ADAM12: variants seen among roughly 807,000 people sequenced by gnomAD.
The protein encoded by ADAM12 is disintegrin and metalloproteinase domain-containing protein 12.
A neutral mutation model predicts 106.4 loss-of-function variants in ADAM12; 70 were observed. The observed-to-expected ratio is 0.66, with a 90% CI of 0.54 to 0.80. The LOEUF (loss-of-function observed/expected upper bound fraction) is 0.80, where lower values mean the gene tolerates loss of function less well. Among genes scored for constraint, ADAM12 ranks in the 30% least tolerant of loss-of-function variants. The probability of loss-of-function intolerance (pLI) is 0.00; values close to 1 mark genes in which losing one functional copy is unlikely to be tolerated. For synonymous variants in ADAM12, 420 were observed against 433.5 expected (o/e 0.97, Z 0.39); for missense variants, 1,010 against 1,171.9 (o/e 0.86, Z 2.02).
intron 5 of ADAM12, among the ~76,000 whole-genome samples, chr10:126,121,585 C>A (rs1453059621): frequency 6.8e-6 from 1 of 147,242 alleles, no homozygotes; most frequent in Non-Finnish European, 1.5e-5. Context: ...ATTTATATTG[C>A]AGCAACCCAA....
At chr10:126,051,583 A>AGCCACCTG (rs1590340431) in intron 14 of ADAM12, among the ~76,000 whole-genome samples, 2 of 138,840 alleles carry the variant, frequency 1.4e-5, no homozygotes, top group African/African-American at 5.7e-5. Context: ...CCATCCATCC[A>AGCCACCTG]TCCATCCAGC....
At chr10:126,216,781 G>A (rs1281882552) in intron 3 of ADAM12, among the ~76,000 whole-genome samples, 1 of 152,248 alleles carries the variant, frequency 6.6e-6, no homozygotes, top group East Asian at 1.9e-4. Context: ...CAGGCCACCA[G>A]GGTGACCCCG....
intron 2 of ADAM12, among the ~76,000 whole-genome samples, chr10:126,295,763 T>A (rs920944889): frequency 3.9e-5 from 6 of 152,200 alleles, no homozygotes; most frequent in African/African-American, 1.4e-4. Context: ...GGTGGCCTAT[T>A]GCTTGCTGTT....
chr10:126,157,556 C>T (rs1312997171), intron 3 of ADAM12, among the ~76,000 whole-genome samples: 1 of 152,150 alleles, frequency 6.6e-6, no homozygotes, highest in African/African-American at 2.4e-5. Flanking sequence ...TCAGTTAGAC[C>T]CCGATGGCAG....
intron 21 of ADAM12, among the ~76,000 whole-genome samples, chr10:126,025,018 G>C (rs1336764102): frequency 6.6e-6 from 1 of 151,964 alleles, no homozygotes; most frequent in Non-Finnish European, 1.5e-5. Flanking sequence ...CTGTTAAACA[G>C]AAAACAACAA....
At chr10:126,221,074 T>C (rs1354999894) in intron 3 of ADAM12, among the ~76,000 whole-genome samples, 1 of 152,148 alleles carries the variant, frequency 6.6e-6, no homozygotes, top group Non-Finnish European at 1.5e-5. Context: ...ACACAGGAAA[T>C]GTATGAGGTA....
At chr10:126,299,899 C>T (rs531777080) in intron 2 of ADAM12, among the ~76,000 whole-genome samples, 1 of 152,314 alleles carries the variant, frequency 6.6e-6, no homozygotes, top group South Asian at 2.1e-4. Flanking sequence ...CTGTCTCAGC[C>T]TCCCAAAGTG....
intron 11 of ADAM12, among the ~76,000 whole-genome samples, chr10:126,072,231 C>A (rs1955011534): frequency 6.6e-6 from 1 of 152,086 alleles, no homozygotes; most frequent in Non-Finnish European, 1.5e-5. Context: ...GCAGGTCTTA[C>A]CCTTGTCTCT....
chr10:126,299,835 G>A (rs1228174917), intron 2 of ADAM12, among the ~76,000 whole-genome samples: 1 of 151,996 alleles, frequency 6.6e-6, no homozygotes, highest in Non-Finnish European at 1.5e-5. Context: ...GTAGAGACGG[G>A]GTTTCGCCAT....
intron 3 of ADAM12, among the ~76,000 whole-genome samples, chr10:126,244,115 C>T (rs796883331): frequency 9.2e-5 from 14 of 152,262 alleles, no homozygotes; most frequent in African/African-American, 3.4e-4. Context: ...GTTTGATGGT[C>T]TTGAATACTT....
At chr10:126,149,564 C>T (rs7094869) in intron 4 of ADAM12, among the ~76,000 whole-genome samples, 30,119 of 152,072 alleles carry the variant, frequency 0.2, 3,409 homozygotes, top group Non-Finnish European at 0.26. Flanking sequence ...AGAGGCCCAC[C>T]CGTCCTCAAT....
Position 126,158,075 on chromosome 10 carries a change from A to G in ADAM12, c.261-2770T>C, listed in dbSNP as rs562990212. ...ACAGCACAGTTCCAAAGGGAAGCAGAGAGGCGGGATGTGAAAACCAGAGAC... is the reference window on the plus strand; with the variant it reads ...ACAGCACAGTTCCAAAGGGAAGCAGGGAGGCGGGATGTGAAAACCAGAGAC... On this transcript the variant is annotated intron_variant, in intron 3 of 22. Coordinates refer to ENST00000448723, the MANE Select transcript of ADAM12 (RefSeq NM_001288973.2). Among the ~76,000 whole-genome samples the G allele has an allele frequency of 1.1e-4, 16 of 152,352 alleles. No homozygotes were observed. The South Asian group carries it at 2.9e-3, about 28-fold the overall frequency.
intron 2 of ADAM12, among the ~76,000 whole-genome samples, chr10:126,311,909 G>A (rs11244950): frequency 0.19 from 28,284 of 151,856 alleles, 2,703 homozygotes; most frequent in Middle Eastern, 0.26. Flanking sequence ...GCAAATTATT[G>A]AGCCTGACAA....
intron 3 of ADAM12, among the ~76,000 whole-genome samples, chr10:126,158,672 G>C (rs67166062): frequency 5.0e-5 from 4 of 80,626 alleles, no homozygotes; most frequent in African/African-American, 1.3e-4. Context: ...CACAGAGCAC[G>C]GGGAGAGGAT....
intron 2 of ADAM12, among the ~76,000 whole-genome samples, chr10:126,295,412 C>T (rs980443420): frequency 2.6e-5 from 4 of 152,204 alleles, no homozygotes; most frequent in African/African-American, 9.6e-5. Context: ...TTGTATTGGT[C>T]ATACCTCTGC....
chr10:126,243,967 G>A (rs1958581035), intron 3 of ADAM12, among the ~76,000 whole-genome samples: 1 of 152,174 alleles, frequency 6.6e-6, no homozygotes, highest in African/African-American at 2.4e-5. Context: ...TCAAAATCCG[G>A]GGGATGACAT....
At chr10:126,291,331 C>G (rs548256998) in intron 2 of ADAM12, among the ~76,000 whole-genome samples, 1 of 152,318 alleles carries the variant, frequency 6.6e-6, no homozygotes, top group African/African-American at 2.4e-5. Context: ...GCAGAATATA[C>G]TAAGCCCTTT....
At chr10:126,086,063 C>T (rs1229540896) in intron 11 of ADAM12, among the ~76,000 whole-genome samples, 3 of 152,144 alleles carry the variant, frequency 2.0e-5, no homozygotes, top group African/African-American at 7.2e-5. Flanking sequence ...TTCACACATG[C>T]TGTACAACAA....
chr10:126,115,375 G>A (rs1001474361), intron 6 of ADAM12, among the ~76,000 whole-genome samples: 17 of 152,204 alleles, frequency 1.1e-4, no homozygotes, highest in African/African-American at 3.4e-4. Flanking sequence ...GGAGAGGGAA[G>A]GAGTCTGCTG....
Sources: gnomAD v4.1 joint callset for allele counts (sites outside exome capture counted in the v4.1 genomes callset) on GRCh38, gnomAD v4.1.1 for gene constraint, MANE v1.5 for transcripts, NCBI Gene and HGNC (gene_info 2026-07-23, HGNC 2026-07-21) for gene names.